KLHL32: variants seen among roughly 807,000 people sequenced by gnomAD.
The protein encoded by KLHL32 is kelch like family member 32.
A neutral mutation model predicts 64.8 loss-of-function variants in KLHL32; 35 were observed. That is an observed-to-expected ratio of 0.54 (90% confidence interval 0.41 to 0.72). The LOEUF (loss-of-function observed/expected upper bound fraction) is 0.72. KLHL32 is among the 30% of genes least tolerant of loss of function. KLHL32 has a pLI of 0.00. For missense variants in KLHL32, 589 were observed against 768.5 expected (o/e 0.77, Z 2.76); for synonymous variants, 259 against 281.0 (o/e 0.92, Z 0.78).
chr6:97,000,891 A>C (rs1778945196), intron 3 of KLHL32, among the ~76,000 whole-genome samples: 1 of 152,238 alleles, frequency 6.6e-6, no homozygotes, highest in Non-Finnish European at 1.5e-5. Context: ...TGCATGGGTG[A>C]AACTTGAATT....
At chr6:97,107,784 A>G (rs1001001807) in intron 6 of KLHL32, among the ~76,000 whole-genome samples, 9 of 152,238 alleles carry the variant, frequency 5.9e-5, no homozygotes, top group Admixed American at 2.0e-4. Flanking sequence ...ATAGATAAAT[A>G]AATATGTGTG....
chr6:97,136,653 A>G (rs1800050345), intron 10 of KLHL32, among the ~76,000 whole-genome samples: 1 of 152,094 alleles, frequency 6.6e-6, no homozygotes, highest in Non-Finnish European at 1.5e-5. Context: ...CTCTACTGTT[A>G]TCTTCATTTA....
chr6:97,127,291 T>G, intron 7 of KLHL32, 113 bp from the exon 8 acceptor site: 1 of 838,658 alleles, frequency 1.2e-6, no homozygotes, highest in Non-Finnish European at 2.0e-6. Flanking sequence ...CATGAGGGTA[T>G]ACAAACAGAT....
intron 2 of KLHL32, among the ~76,000 whole-genome samples, chr6:96,972,761 A>G (rs923661784): frequency 1.3e-5 from 2 of 152,098 alleles, no homozygotes; most frequent in Admixed American, 1.3e-4. Flanking sequence ...CTAATTTGAT[A>G]TATGTTCTAG....
At chr6:97,137,783 C>T (rs1412651580) in intron 10 of KLHL32, among the ~76,000 whole-genome samples, 1 of 152,180 alleles carries the variant, frequency 6.6e-6, no homozygotes, top group Non-Finnish European at 1.5e-5. Context: ...ATCCACCTGC[C>T]TGACTCCCGA....
intron 4 of KLHL32, among the ~76,000 whole-genome samples, chr6:97,045,371 C>A (rs1421686059): frequency 6.6e-6 from 1 of 152,138 alleles, no homozygotes; most frequent in East Asian, 1.9e-4. Context: ...CTTATTATTT[C>A]TCTTTTTATA....
intron 6 of KLHL32, among the ~76,000 whole-genome samples, chr6:97,088,636 G>A (rs1582986419): frequency 1.3e-5 from 2 of 152,174 alleles, no homozygotes; most frequent in South Asian, 4.1e-4. Context: ...CCAGGGATAT[G>A]TTAATTAATT....
intron 6 of KLHL32, among the ~76,000 whole-genome samples, chr6:97,108,680 C>T (rs1021874148): frequency 6.6e-6 from 1 of 152,184 alleles, no homozygotes; most frequent in Non-Finnish European, 1.5e-5. Flanking sequence ...AGCACAGTAA[C>T]ACTTTTACAT....
At chr6:97,006,317 A>T (rs1779659245) in intron 3 of KLHL32, among the ~76,000 whole-genome samples, 1 of 152,192 alleles carries the variant, frequency 6.6e-6, no homozygotes, top group Admixed American at 6.5e-5. Context: ...TTTGCCTGAT[A>T]CTAGAATAGA....
intron 8 of KLHL32, 85 bp from the exon 9 acceptor site, chr6:97,130,672 T>G (rs1582269828): frequency 1.0e-6 from 1 of 964,376 alleles, no homozygotes; most frequent in East Asian, 2.5e-5. Flanking sequence ...AACATTAGGG[T>G]TCTCACTACT....
rs1418641330 is a variant in KLHL32, at chr6:97,139,663, G to GTACT, written c.*384_*387dup. 6.3e-6 allele frequency: 1 copy of GTACT among 157,506 alleles called. No individual in the cohort carries two copies. The highest frequency in any genetic ancestry group is 2.4e-5 in the African/African-American group (1 of 41,564). 9.8% of individuals were successfully genotyped at this position (157,506 alleles called of 1,614,324 possible). A position where few individuals can be genotyped will look rare whatever the true frequency, so the allele number is the denominator to read the frequency against. On this transcript the variant is annotated 3_prime_UTR_variant, in exon 11 of 11. Transcript: ENST00000369261. ...ATGATCTTAAAAATATATATATTCT[G>GTACT]TACTTAATCCCTTTATTATTTAAAG...
chr6:96,948,119 A>G (rs1037041351), intron 1 of KLHL32, among the ~76,000 whole-genome samples: 2 of 152,168 alleles, frequency 1.3e-5, no homozygotes, highest in African/African-American at 4.8e-5. Flanking sequence ...TTACTGGGCA[A>G]TTGTGAGAGT....
At chr6:96,928,053 A>G (rs1246041649) in intron 1 of KLHL32, among the ~76,000 whole-genome samples, 3 of 152,212 alleles carry the variant, frequency 2.0e-5, no homozygotes, top group Non-Finnish European at 4.4e-5. Flanking sequence ...CTTCTTCTCA[A>G]CTGTTACCTA....
At chr6:96,975,951 G>T in intron 2 of KLHL32, 46 bp from the exon 3 acceptor site, 1 of 1,469,194 alleles carries the variant, frequency 6.8e-7, no homozygotes, top group Middle Eastern at 2.4e-4. Context: ...CTGGCCCACA[G>T]GGCTGGGAAA....
chr6:97,065,237 G>C (rs575989460), intron 5 of KLHL32, among the ~76,000 whole-genome samples: 1 of 152,260 alleles, frequency 6.6e-6, no homozygotes, highest in African/African-American at 2.4e-5. Flanking sequence ...TGATTTGCTG[G>C]TCAGGAAAGG....
intron 1 of KLHL32, among the ~76,000 whole-genome samples, chr6:96,960,907 T>C (rs1167435634): frequency 6.6e-6 from 1 of 152,164 alleles, no homozygotes; most frequent in African/African-American, 2.4e-5. Context: ...CAGAAAGGAA[T>C]GTCTGGGTTA....
chr6:96,968,634 T>C (rs970044211), intron 2 of KLHL32, among the ~76,000 whole-genome samples: 2 of 152,182 alleles, frequency 1.3e-5, no homozygotes, highest in African/African-American at 4.8e-5. Flanking sequence ...ATCTCTATGA[T>C]GTTCTCTCCT....
intron 1 of KLHL32, among the ~76,000 whole-genome samples, chr6:96,949,909 T>G (rs1772365877): frequency 6.6e-6 from 1 of 152,118 alleles, no homozygotes; most frequent in Non-Finnish European, 1.5e-5. Context: ...CAATATTGTT[T>G]TTTCTTTTTT....
intron 1 of KLHL32, among the ~76,000 whole-genome samples, chr6:96,936,252 G>T (rs575912986): frequency 6.6e-6 from 1 of 152,282 alleles, no homozygotes; most frequent in African/African-American, 2.4e-5. Context: ...TCTACATTTT[G>T]CATGGCCGTT....
Sources: gnomAD v4.1 joint callset for allele counts (sites outside exome capture counted in the v4.1 genomes callset) on GRCh38, gnomAD v4.1.1 for gene constraint, MANE v1.5 for transcripts, NCBI Gene and HGNC (gene_info 2026-07-23, HGNC 2026-07-21) for gene names.